Variants in PHACTR4 observed in about 807,000 individuals in gnomAD.
The protein encoded by PHACTR4 is phosphatase and actin regulator 4, also known as protein phosphatase 1, regulatory subunit 124.
PHACTR4 carries 51 observed loss-of-function variants against 72.7 expected under a neutral mutation model. That is an observed-to-expected ratio of 0.70 (90% CI 0.56 to 0.89). The LOEUF is 0.89. Among genes scored for constraint, PHACTR4 ranks in the 40% least tolerant of loss-of-function variants. PHACTR4 has a pLI of 0.00. For missense variants in PHACTR4, 731 were observed against 861.8 expected (o/e 0.85, Z 1.90); for synonymous variants, 255 against 302.5 (o/e 0.84, Z 1.63).
intron 1 of PHACTR4, among the ~76,000 whole-genome samples, chr1:28,398,961 A>G (rs1319800242): frequency 1.6e-4 from 24 of 152,186 alleles, no homozygotes; most frequent in Admixed American, 1.6e-3. Flanking sequence ...CTAATACAGA[A>G]GGTATTCCGG....
chr1:28,406,236 AT>A (rs1654316687), intron 1 of PHACTR4, among the ~76,000 whole-genome samples: 1 of 152,196 alleles, frequency 6.6e-6, no homozygotes, highest in African/African-American at 2.4e-5. Flanking sequence ...ATTCTAGTTT[AT>A]CATATGGTCA....
At chr1:28,412,278 CAT>C (rs1342015083) in intron 2 of PHACTR4, among the ~76,000 whole-genome samples, 1 of 152,162 alleles carries the variant, frequency 6.6e-6, no homozygotes, top group African/African-American at 2.4e-5. Context: ...GCTTGAATAA[CAT>C]AGCTTGTTGT....
At chr1:28,443,633 G>GA (rs2124418499) in intron 2 of PHACTR4, among the ~76,000 whole-genome samples, 1 of 151,402 alleles carries the variant, frequency 6.6e-6, no homozygotes, top group East Asian at 1.9e-4. Flanking sequence ...ATTTTTTGAC[G>GA]AAACGAGGTC....
At chr1:28,398,174 C>T (rs149602493) in intron 1 of PHACTR4, among the ~76,000 whole-genome samples, 115 of 152,254 alleles carry the variant, frequency 7.6e-4, no homozygotes, top group African/African-American at 2.5e-3. Context: ...TTCTCATATA[C>T]CTATGTTAAC....
chr1:28,460,132 C>A, intron 3 of PHACTR4, 80 bp from the exon 4 acceptor site: 2 of 860,324 alleles, frequency 2.3e-6, no homozygotes, highest in Non-Finnish European at 3.7e-6. Flanking sequence ...TATTCTTTTA[C>A]CTGTAGAATT....
chr1:28,393,966 G>A lies in PHACTR4; in HGVS notation c.-38-13444G>A, dbSNP rs560383167. On this transcript the variant is annotated intron_variant, in intron 1 of 13. Coordinates refer to ENST00000373839, the MANE Select transcript of PHACTR4 (RefSeq NM_001048183.3). ...GGGCTCAAGCAGTTTGCTCACCTTGGACTCCCAAAGTGCTGTGATTACAGG... is the reference window on the plus strand; with the variant it reads ...GGGCTCAAGCAGTTTGCTCACCTTGAACTCCCAAAGTGCTGTGATTACAGG... 1.6e-3 allele frequency among the ~76,000 whole-genome samples: 246 copies of A among 152,068 alleles called. 2 individuals carry two copies. Among genetic ancestry groups the A allele is most frequent in the Admixed American group, 3.7e-3 (57 of 15,230 alleles).
At chr1:28,437,324 G>A (rs1389946497) in intron 2 of PHACTR4, among the ~76,000 whole-genome samples, 1 of 152,090 alleles carries the variant, frequency 6.6e-6, no homozygotes, top group Admixed American at 6.6e-5. Context: ...CCTGGGCTCA[G>A]GCAATCCTCC....
At chr1:28,421,869 G>A (rs1053748314) in intron 2 of PHACTR4, among the ~76,000 whole-genome samples, 1 of 152,126 alleles carries the variant, frequency 6.6e-6, no homozygotes, top group Non-Finnish European at 1.5e-5. Context: ...TAATACATCC[G>A]GGATACATGG....
rs1406225472 is a variant in PHACTR4 at position 28,489,176 on chromosome 1, G to T, written c.1767G>T (p.Leu589=). ...HQIGNTLIRR[L]SQRPTPEELE... ...TTATTTATCTCATTTTTAGGCGACT[G>T]AGTCAAAGACCAACACCAGAAGAAC... Residue 589 remains leucine, a synonymous_variant, in exon 10 of 14, where the codon CTG becomes CTT. Coordinates refer to ENST00000373839, the MANE Select transcript of PHACTR4 (RefSeq NM_001048183.3). 5 of 1,611,826 alleles carry T rather than the reference G, an allele frequency of 3.1e-6. No individual in the cohort carries two copies. Among genetic ancestry groups the T allele is most frequent in the African/African-American group, 1.3e-5 (1 of 74,856 alleles).
intron 2 of PHACTR4, among the ~76,000 whole-genome samples, chr1:28,413,772 A>G (rs1282417103): frequency 2.0e-5 from 3 of 151,812 alleles, no homozygotes; most frequent in Non-Finnish European, 4.4e-5. Flanking sequence ...TTTATGTTAG[A>G]GTTTTTCTCT....
rs916176361 is a variant in PHACTR4, at chr1:28,482,974, G to T, written c.1760+2370G>T. On this transcript the variant is annotated intron_variant, in intron 9 of 13. Coordinates refer to ENST00000373839, the MANE Select transcript of PHACTR4 (RefSeq NM_001048183.3). ...AAAAAGAGACACCTGGCTTTACTGT[G>T]TATGCTGTACCTCAGGGCAAGTTTT... 1.2e-4 allele frequency among the ~76,000 whole-genome samples: 18 copies of T among 150,748 alleles called. 1 individual carries two copies. Among genetic ancestry groups the T allele is most frequent in the African/African-American group, 4.4e-4 (18 of 40,964 alleles).
intron 1 of PHACTR4, among the ~76,000 whole-genome samples, chr1:28,397,086 G>A (rs185816397): frequency 6.6e-5 from 10 of 152,060 alleles, no homozygotes; most frequent in Non-Finnish European, 1.0e-4. Context: ...TTATCTTGAT[G>A]GTGTTTTTAG....
At chr1:28,474,813 G>C (rs1312941868) in intron 7 of PHACTR4, among the ~76,000 whole-genome samples, 5 of 152,106 alleles carry the variant, frequency 3.3e-5, no homozygotes, top group Non-Finnish European at 7.4e-5. Context: ...AAAGTGCTGG[G>C]ATTGCAAGTG....
chr1:28,381,313 T>G (rs1245471745), intron 1 of PHACTR4, among the ~76,000 whole-genome samples: 1 of 144,870 alleles, frequency 6.9e-6, no homozygotes, highest in Non-Finnish European at 1.5e-5. Context: ...TTTTTTTTTT[T>G]TTTGAGACGG....
At chr1:28,464,395 A>G (rs1367505303) in intron 4 of PHACTR4, among the ~76,000 whole-genome samples, 1 of 152,150 alleles carries the variant, frequency 6.6e-6, no homozygotes, top group East Asian at 1.9e-4. Flanking sequence ...GTCTTTATTC[A>G]GTGTGGTAGG....
chr1:28,418,165 T>C (rs1569885184), intron 2 of PHACTR4, among the ~76,000 whole-genome samples: 2 of 151,760 alleles, frequency 1.3e-5, no homozygotes, highest in East Asian at 3.9e-4. Flanking sequence ...ACAAAGATAG[T>C]AGAAAAATAC....
intron 1 of PHACTR4, among the ~76,000 whole-genome samples, chr1:28,397,040 T>G (rs955715325): frequency 3.9e-5 from 6 of 152,082 alleles, no homozygotes; most frequent in Non-Finnish European, 7.4e-5. Context: ...AATAACACTT[T>G]AGTTGTTCAG....
At chr1:28,466,081 CTATAG>C (rs1659145190) in intron 5 of PHACTR4, among the ~76,000 whole-genome samples, 1 of 152,066 alleles carries the variant, frequency 6.6e-6, no homozygotes, top group Non-Finnish European at 1.5e-5. Flanking sequence ...TATCAGATAC[CTATAG>C]GATTTTTTCC....
At position 28,480,459 on chromosome 1, in the gene PHACTR4, G is replaced by A. The variant is rs200581707; in HGVS notation, c.1615G>A (p.Ala539Thr). ...CTTCCCCGTGTGCAAAGGTGCTCTC[G>A]CCAACAAAGTGAAGAGGAAAGACAC... Reference protein sequence around the residue: ...DEDESYQSALANKVKRKDTLA... With the variant: ...DEDESYQSALTNKVKRKDTLA... Residue 539 changes from alanine (A) to threonine (T), a missense_variant, in exon 9 of 14, where the codon GCC becomes ACC. This residue lies in a region of PHACTR4 where 621 missense variants were observed against 676.6 expected (regional missense o/e 0.92). Transcript: ENST00000373839. 2.8e-4 allele frequency: 455 copies of A among 1,613,668 alleles called. No homozygotes were observed. Among genetic ancestry groups the A allele is most frequent in the African/African-American group, 3.3e-4 (25 of 74,872 alleles).
Sources: allele counts gnomAD v4.1 joint callset (sites outside exome capture counted in the v4.1 genomes callset), GRCh38; gene constraint gnomAD v4.1.1; regional missense constraint gnomAD v4.1.1; transcripts MANE v1.5; gene names NCBI Gene and HGNC (gene_info 2026-07-23, HGNC 2026-07-21).